FHIP1A: variants seen among roughly 807,000 people sequenced by gnomAD.
FHIP1A encodes FHF complex subunit HOOK interacting protein 1A, also known as FHF complex subunit HOOK-interacting protein 1A.
Under a neutral mutation model 88.6 loss-of-function variants are expected in FHIP1A, and 61 were observed. The ratio of observed to expected loss-of-function variants is 0.69; its 90% CI spans 0.56 to 0.85. The LOEUF (loss-of-function observed/expected upper bound fraction) is 0.85. Ranked by LOEUF, FHIP1A falls within the 40% of genes least tolerant of loss-of-function variation. The pLI, the probability that FHIP1A is intolerant of heterozygous loss-of-function variation, is 0.00. For missense variants in FHIP1A, 1,154 were observed against 1,273.5 expected, an observed-to-expected ratio of 0.91 and a Z score of 1.43; for synonymous variants, 478 against 496.0, an observed-to-expected ratio of 0.96 and a Z score of 0.48.
At chr4:151,516,465 C>T (rs1385094423) in intron 3 of FHIP1A, among the ~76,000 whole-genome samples, 3 of 152,074 alleles carry the variant, frequency 2.0e-5, no homozygotes, top group Non-Finnish European at 4.4e-5. Context: ...TCTAATTAAA[C>T]TCAAGAGCTT....
chr4:151,465,235 A>G (rs1278733235), intron 2 of FHIP1A, among the ~76,000 whole-genome samples: 2 of 152,110 alleles, frequency 1.3e-5, no homozygotes, highest in Admixed American at 1.3e-4. Context: ...ATCAGAGAAT[A>G]CTATAAACAC....
intron 3 of FHIP1A, among the ~76,000 whole-genome samples, chr4:151,493,984 C>G (rs1730374912): frequency 6.6e-6 from 1 of 152,070 alleles, no homozygotes; most frequent in South Asian, 2.1e-4. Context: ...AGCAATCAGA[C>G]AAGACAAAGA....
intron 5 of FHIP1A, among the ~76,000 whole-genome samples, chr4:151,578,536 A>G (rs1267437915): frequency 6.6e-6 from 1 of 152,166 alleles, no homozygotes; most frequent in Non-Finnish European, 1.5e-5. Context: ...TCATAGGAAC[A>G]TGGGGGGGTG....
chr4:151,483,946 T>G (rs1041200456), intron 3 of FHIP1A, among the ~76,000 whole-genome samples: 1 of 152,172 alleles, frequency 6.6e-6, no homozygotes, highest in Non-Finnish European at 1.5e-5. Context: ...AGACTAAGAT[T>G]TAATAATTGT....
intron 3 of FHIP1A, among the ~76,000 whole-genome samples, chr4:151,514,529 A>G (rs1455213928): frequency 2.6e-5 from 4 of 151,870 alleles, no homozygotes; most frequent in African/African-American, 9.7e-5. Context: ...GTTTTTTGAA[A>G]GGATCAACAA....
At chr4:151,590,179 C>A (rs377400231) in intron 7 of FHIP1A, among the ~76,000 whole-genome samples, 47 of 152,336 alleles carry the variant, frequency 3.1e-4, no homozygotes, top group East Asian at 2.1e-3. Flanking sequence ...TTCGGAGGAA[C>A]ACAAGAGTGC....
At chr4:151,480,310 A>C (rs1175725006) in intron 2 of FHIP1A, among the ~76,000 whole-genome samples, 2 of 152,080 alleles carry the variant, frequency 1.3e-5, no homozygotes, top group Non-Finnish European at 2.9e-5. Flanking sequence ...CCTAAGTAAA[A>C]GCATATGTGT....
At chr4:151,523,491 T>A (rs139629250) in intron 3 of FHIP1A, among the ~76,000 whole-genome samples, 1 of 152,150 alleles carries the variant, frequency 6.6e-6, no homozygotes, top group Non-Finnish European at 1.5e-5. Flanking sequence ...GACAACATAC[T>A]CTCTTTTGTT....
chr4:151,486,380 A>G (rs745711032), intron 3 of FHIP1A, among the ~76,000 whole-genome samples: 1 of 152,164 alleles, frequency 6.6e-6, no homozygotes, highest in Non-Finnish European at 1.5e-5. Flanking sequence ...AGCTTATTTT[A>G]GACATTTCAA....
rs1390314640 is a variant in FHIP1A, at chr4:151,463,228, CT to C, written c.-248+8421del. Among the ~76,000 whole-genome samples the C allele has an allele frequency of 3.9e-5, 6 of 152,300 alleles. No individual in the cohort carries two copies. The South Asian group carries it at 8.3e-4, about 21-fold the overall frequency. On this transcript the variant is annotated intron_variant, in intron 2 of 13. Coordinates refer to ENST00000435205, the MANE Select transcript of FHIP1A (RefSeq NM_001109977.3). The stretch of plus-strand genomic sequence containing the variant: ...GGTTTTGCTGAGTGATTTAGGCCAT[CT>C]GTTGGAACTGGATTGCAAGTCATAG...
At chr4:151,647,737 T>C (rs1395365779) in intron 10 of FHIP1A, among the ~76,000 whole-genome samples, 1 of 152,226 alleles carries the variant, frequency 6.6e-6, no homozygotes, top group Non-Finnish European at 1.5e-5. Flanking sequence ...CTAAAAGTTA[T>C]TTTTTAAAAC....
intron 3 of FHIP1A, among the ~76,000 whole-genome samples, chr4:151,534,343 C>G (rs534730021): frequency 6.6e-6 from 1 of 152,266 alleles, no homozygotes; most frequent in Admixed American, 6.5e-5. Flanking sequence ...TTTAATATGT[C>G]CGTGGAGGCA....
intron 2 of FHIP1A, among the ~76,000 whole-genome samples, chr4:151,470,554 T>C (rs1261708520): frequency 6.6e-6 from 1 of 152,194 alleles, no homozygotes; most frequent in Non-Finnish European, 1.5e-5. Context: ...AGTTAGAGGT[T>C]TGATTGTGAC....
At chr4:151,573,599 G>C (rs1368953587) in intron 4 of FHIP1A, among the ~76,000 whole-genome samples, 1 of 152,008 alleles carries the variant, frequency 6.6e-6, no homozygotes, top group Admixed American at 6.6e-5. Flanking sequence ...CTGAATCCCT[G>C]AGACTGTCTA....
intron 3 of FHIP1A, among the ~76,000 whole-genome samples, chr4:151,535,687 C>G (rs1732044253): frequency 6.6e-6 from 1 of 152,164 alleles, no homozygotes; most frequent in Non-Finnish European, 1.5e-5. Flanking sequence ...GGGATCATAC[C>G]TTATTTGGCA....
intron 1 of FHIP1A, among the ~76,000 whole-genome samples, chr4:151,438,697 G>A (rs1232587049): frequency 2.7e-5 from 4 of 150,096 alleles, no homozygotes; most frequent in African/African-American, 4.9e-5. Flanking sequence ...GCTGGAGTGC[G>A]GTGGCATGAT....
intron 3 of FHIP1A, among the ~76,000 whole-genome samples, chr4:151,490,195 G>A (rs1342276616): frequency 2.6e-5 from 4 of 152,152 alleles, no homozygotes; most frequent in African/African-American, 9.7e-5. Flanking sequence ...AGCATAACCA[G>A]CATTTGAGAA....
chr4:151,509,454 C>A (rs1730948146), intron 3 of FHIP1A, among the ~76,000 whole-genome samples: 1 of 152,158 alleles, frequency 6.6e-6, no homozygotes, highest in Non-Finnish European at 1.5e-5. Context: ...CGTGAGCCAC[C>A]TTGCCTGGCC....
At chr4:151,522,374 A>T (rs1321421914) in intron 3 of FHIP1A, among the ~76,000 whole-genome samples, 2 of 152,218 alleles carry the variant, frequency 1.3e-5, no homozygotes, top group Non-Finnish European at 2.9e-5. Flanking sequence ...GTGAATTGTC[A>T]GAGTCCTGGA....
Sources: allele counts gnomAD v4.1 joint callset (sites outside exome capture counted in the v4.1 genomes callset), GRCh38; gene constraint gnomAD v4.1.1; transcripts MANE v1.5; gene names NCBI Gene and HGNC (gene_info 2026-07-23, HGNC 2026-07-21).